Variants in DENND1A observed in about 807,000 individuals in gnomAD.
The protein encoded by DENND1A is DENN domain containing 1A.
Under a neutral mutation model 113.7 loss-of-function variants are expected in DENND1A, and 51 were observed. The ratio of observed to expected loss-of-function variants is 0.45; its 90% CI spans 0.36 to 0.57. The LOEUF (loss-of-function observed/expected upper bound fraction) is 0.57. Ranked by LOEUF, DENND1A falls within the 20% of genes least tolerant of loss-of-function variation. The pLI is 0.00. For synonymous variants in DENND1A, 565 were observed against 570.8 expected (o/e 0.99, Z 0.14); for missense variants, 1,258 against 1,395.9 (o/e 0.90, Z 1.57).
chr9:123,419,989 C>A (rs369436084), intron 19 of DENND1A, among the ~76,000 whole-genome samples: 1 of 152,190 alleles, frequency 6.6e-6, no homozygotes, highest in Admixed American at 6.5e-5. Context: ...AGCCACTCAG[C>A]GGGGCACCCA....
chr9:123,897,354 T>G (rs917034585), intron 1 of DENND1A, among the ~76,000 whole-genome samples: 1 of 152,170 alleles, frequency 6.6e-6, no homozygotes, highest in Non-Finnish European at 1.5e-5. Flanking sequence ...AGAAGCTGGC[T>G]AGTTCAGGCT....
intron 19 of DENND1A, among the ~76,000 whole-genome samples, chr9:123,426,783 T>C (rs936068399): frequency 2.0e-5 from 3 of 152,190 alleles, no homozygotes; most frequent in African/African-American, 7.2e-5. Context: ...CAACTGGCTG[T>C]GGAAAGCAAG....
chr9:123,443,902 A>G (rs1419176846), intron 18 of DENND1A, among the ~76,000 whole-genome samples: 3 of 152,186 alleles, frequency 2.0e-5, no homozygotes, highest in East Asian at 3.9e-4. Context: ...GGCTGTAGTG[A>G]GCCGTGATCA....
At chr9:123,836,266 T>C (rs1841032659) in intron 2 of DENND1A, among the ~76,000 whole-genome samples, 1 of 152,178 alleles carries the variant, frequency 6.6e-6, no homozygotes, top group Non-Finnish European at 1.5e-5. Flanking sequence ...AATTGTGCAC[T>C]TTCATAAAAT....
chr9:123,443,787 T>A (rs1050363022), intron 18 of DENND1A, among the ~76,000 whole-genome samples: 49 of 152,168 alleles, frequency 3.2e-4, no homozygotes, highest in African/African-American at 1.2e-3. Context: ...AAACCCCATA[T>A]CTACAAAAAA....
intron 13 of DENND1A, among the ~76,000 whole-genome samples, chr9:123,532,220 T>A (rs189351293): frequency 1.3e-5 from 2 of 152,336 alleles, no homozygotes; most frequent in East Asian, 3.9e-4. Context: ...CTGACTATAT[T>A]TCCTAAAATC....
At chr9:123,417,114 G>A (rs1165406086) in intron 19 of DENND1A, among the ~76,000 whole-genome samples, 1 of 152,214 alleles carries the variant, frequency 6.6e-6, no homozygotes, top group Admixed American at 6.5e-5. Flanking sequence ...TCTGTAAAAT[G>A]GCAAAACTCC....
intron 2 of DENND1A, among the ~76,000 whole-genome samples, chr9:123,857,735 G>A (rs1476472837): frequency 6.6e-6 from 1 of 152,130 alleles, no homozygotes; most frequent in African/African-American, 2.4e-5. Flanking sequence ...GTCAAGGAAA[G>A]ACTGAGAACC....
In DENND1A at chr9:123,925,347, T is replaced by G. The variant is rs551972385; in HGVS notation, c.17+4542A>C. 2.0e-5 allele frequency among the ~76,000 whole-genome samples: 3 copies of G among 152,288 alleles called. No homozygotes were observed. The East Asian group carries it at 5.8e-4, about 29-fold the overall frequency. On this transcript the variant is annotated intron_variant, in intron 1 of 23. Coordinates refer to ENST00000394215, the MANE Select transcript of DENND1A (RefSeq NM_001352964.2). ...CTCAGCTGAAACATGATCCCCTTGG[T>G]GAAGGCTTCCTTTCCTGACCCTCCC...
At position 123,809,197 on chromosome 9, in the gene DENND1A, T is replaced by C. The variant is rs1029071024; in HGVS notation, c.89-16567A>G. 3.3e-5 allele frequency among the ~76,000 whole-genome samples: 5 copies of C among 152,218 alleles called. No individual in the cohort carries two copies. In the South Asian group the frequency reaches 1.0e-3, roughly 32 times the overall value. ...GCCCCCTGCATGTTCCTCCGAGTAC[T>C]TATTTATCTTCCTATCTGCTATGCC... On this transcript the variant is annotated intron_variant, in intron 2 of 23. Coordinates refer to ENST00000394215, the MANE Select transcript of DENND1A (RefSeq NM_001352964.2).
chr9:123,466,357 C>A (rs116933125), intron 13 of DENND1A, among the ~76,000 whole-genome samples: 1 of 151,408 alleles, frequency 6.6e-6, no homozygotes, highest in African/African-American at 2.4e-5. Context: ...AAGAGAGCAG[C>A]GATGTGATCT....
rs139013363 is a variant in DENND1A, at chr9:123,806,200, C to T, written c.89-13570G>A. On this transcript the variant is annotated intron_variant, in intron 2 of 23. Coordinates refer to ENST00000394215, the MANE Select transcript of DENND1A (RefSeq NM_001352964.2). ...AACTCCTGACCTCAAGGGATCCACC[C>T]GCCTCAGCCTCCCAAAGTGCTGGGA... Among the ~76,000 whole-genome samples, 144 of 152,022 alleles carry T rather than the reference C, an allele frequency of 9.5e-4. 1 individual carries two copies. The East Asian group carries it at 0.02, about 21-fold the overall frequency.
At chr9:123,512,442 T>C (rs2053536579) in intron 13 of DENND1A, among the ~76,000 whole-genome samples, 1 of 152,148 alleles carries the variant, frequency 6.6e-6, no homozygotes, top group Non-Finnish European at 1.5e-5. Flanking sequence ...TAGATGCAGG[T>C]CTCGGGCAAG....
rs144964204 is a variant in DENND1A, at chr9:123,489,071, TAC to T, written c.994-31176_994-31175del. The stretch of plus-strand genomic sequence containing the variant: ...GAGAATATCTTCCTCTTCCCTCTGT[TAC>T]ACACACACACACACACACATCCACA... On this transcript the variant is annotated intron_variant, in intron 13 of 23. Coordinates refer to ENST00000394215, the MANE Select transcript of DENND1A (RefSeq NM_001352964.2). 6.4e-3 allele frequency among the ~76,000 whole-genome samples: 955 copies of T among 148,802 alleles called. 9 individuals are homozygous for T. The highest frequency in any genetic ancestry group is 0.021 in the African/African-American group (843 of 40,846).
At chr9:123,737,155 T>C (rs957498979) in intron 5 of DENND1A, among the ~76,000 whole-genome samples, 5 of 152,188 alleles carry the variant, frequency 3.3e-5, no homozygotes, top group Admixed American at 2.6e-4. Context: ...ATATTTAAAA[T>C]GTTTAATTTA....
rs377434891 is a variant in DENND1A, at chr9:123,657,129, G to A, written c.508-5006C>T. 4.8e-3 allele frequency among the ~76,000 whole-genome samples: 733 copies of A among 152,262 alleles called. 1 individual carries two copies. Among genetic ancestry groups the A allele is most frequent in the Middle Eastern group, 0.02 (6 of 294 alleles). On this transcript the variant is annotated intron_variant, in intron 8 of 23. Transcript: ENST00000394215. ...GTGCACTTCAGAAGAAGCCTGCAACGCACAAGCTCCTTAGACTCTTGGCTC... is the reference window on the plus strand; with the variant it reads ...GTGCACTTCAGAAGAAGCCTGCAACACACAAGCTCCTTAGACTCTTGGCTC...
chr9:123,542,681 C>T (rs201124950), intron 13 of DENND1A, among the ~76,000 whole-genome samples: 1 of 151,996 alleles, frequency 6.6e-6, no homozygotes, highest in African/African-American at 2.4e-5. Flanking sequence ...GTTTGAGTAT[C>T]TCTTCACGCT....
At chr9:123,882,161 T>G (rs1046912530) in intron 1 of DENND1A, among the ~76,000 whole-genome samples, 1 of 152,010 alleles carries the variant, frequency 6.6e-6, no homozygotes, top group Non-Finnish European at 1.5e-5. Flanking sequence ...ACCTGACTAC[T>G]TCTTCCCTGA....
chr9:123,496,908 G>A (rs1377650244), intron 13 of DENND1A, among the ~76,000 whole-genome samples: 1 of 152,128 alleles, frequency 6.6e-6, no homozygotes. Flanking sequence ...TGTCATTTTG[G>A]GTTGAGGACC....
Sources: gnomAD v4.1 joint callset for allele counts (sites outside exome capture counted in the v4.1 genomes callset) on GRCh38, gnomAD v4.1.1 for gene constraint, MANE v1.5 for transcripts, NCBI Gene and HGNC (gene_info 2026-07-23, HGNC 2026-07-21) for gene names.